BDH1: variants seen among roughly 807,000 people sequenced by gnomAD.
BDH1 encodes the protein D-beta-hydroxybutyrate dehydrogenase, mitochondrial.
Under a neutral mutation model 33.1 loss-of-function variants are expected in BDH1, and 30 were observed. That is an observed-to-expected ratio of 0.91 (90% CI 0.68 to 1.23). The LOEUF (loss-of-function observed/expected upper bound fraction) is 1.23, where lower values mean the gene tolerates loss of function less well. BDH1 is among the 50% of genes most tolerant of loss of function. The probability of loss-of-function intolerance (pLI) is 0.00; values close to 1 mark genes in which losing one functional copy is unlikely to be tolerated. For synonymous variants in BDH1, 190 were observed against 183.6 expected, an observed-to-expected ratio of 1.03 and a Z score of -0.28; for missense variants, 443 against 464.4, an observed-to-expected ratio of 0.95 and a Z score of 0.42.
chr3:197,563,543 A>G (rs747186243), intron 1 of BDH1, among the ~76,000 whole-genome samples: 1 of 152,252 alleles, frequency 6.6e-6, no homozygotes, highest in Non-Finnish European at 1.5e-5. Context: ...CACAGTTTTC[A>G]TAAATCATCT....
At chr3:197,563,487 G>C (rs1000239337) in intron 1 of BDH1, among the ~76,000 whole-genome samples, 2 of 152,138 alleles carry the variant, frequency 1.3e-5, no homozygotes, top group African/African-American at 4.8e-5. Flanking sequence ...TCACGTCTCT[G>C]TTATAATTTT....
At chr3:197,536,583 G>A (rs995161018) in intron 3 of BDH1, among the ~76,000 whole-genome samples, 1 of 152,020 alleles carries the variant, frequency 6.6e-6, no homozygotes, top group Non-Finnish European at 1.5e-5. Context: ...GGTCATCCCT[G>A]TAACCCCAGC....
intron 2 of BDH1, among the ~76,000 whole-genome samples, chr3:197,550,314 G>A (rs1716450718): frequency 6.6e-6 from 1 of 152,206 alleles, no homozygotes; most frequent in South Asian, 2.1e-4. Flanking sequence ...ACCCAATGCA[G>A]ACACCTTGAT....
intron 1 of BDH1, among the ~76,000 whole-genome samples, chr3:197,565,006 T>C (rs186561509): frequency 1.3e-5 from 2 of 152,318 alleles, no homozygotes; most frequent in African/African-American, 4.8e-5. Flanking sequence ...CACTGCAACC[T>C]CCACCTCCAA....
rs987208161 is a variant in BDH1 at position 197,520,031 on chromosome 3, G to C, written c.409+2609C>G. Among the ~76,000 whole-genome samples, 5 of 152,156 alleles carry C rather than the reference G, an allele frequency of 3.3e-5. No individual in the cohort carries two copies. The highest frequency in any genetic ancestry group is 7.3e-5 in the Non-Finnish European group (5 of 68,032). On this transcript the variant is annotated intron_variant, in intron 6 of 7. Transcript: ENST00000392379. This position sits in a 1 kb window ranked among gnomAD's most constrained non-coding sequence, Gnocchi z 6.0. ...GACCCTTCTGACATGTCCTGCATGG[G>C]GTGTGGGTCGGTGGCGGCCACTGCG...
rs1055725632 is a variant in BDH1, at chr3:197,520,242, C to T, written c.409+2398G>A. On this transcript the variant is annotated intron_variant, in intron 6 of 7. Coordinates refer to ENST00000392379, the MANE Select transcript of BDH1 (RefSeq NM_203314.3). The surrounding 1 kb of genome is among the most constrained non-coding windows in gnomAD (Gnocchi z 6.0). ...GGGGGACACGCCACTGCATATCTGA[C>T]GGATGTACTGTTTTCTTCAGACCTA... 6.6e-6 allele frequency among the ~76,000 whole-genome samples: 1 copy of T among 151,768 alleles called. No homozygotes were observed. The highest frequency in any genetic ancestry group is 1.9e-4 in the East Asian group (1 of 5,164).
At chr3:197,542,013 G>C (rs895716304) in intron 3 of BDH1, among the ~76,000 whole-genome samples, 1 of 152,230 alleles carries the variant, frequency 6.6e-6, no homozygotes, top group Non-Finnish European at 1.5e-5. Context: ...ACGCTTTCCA[G>C]ATTACCACCC....
At chr3:197,537,491 C>T (rs1715257181) in intron 3 of BDH1, among the ~76,000 whole-genome samples, 1 of 152,100 alleles carries the variant, frequency 6.6e-6, no homozygotes, top group Admixed American at 6.6e-5. Flanking sequence ...CCTTCTTTTC[C>T]AATCTATATG....
chr3:197,525,404 A>G lies in BDH1; in HGVS notation c.268-2623T>C, dbSNP rs1313164819. ...CATTCAGCTCTTCTCAGACCCCTATACAAGACCTCTCTGGTGCCCCTACAC... is the reference window on the plus strand; with the variant it reads ...CATTCAGCTCTTCTCAGACCCCTATGCAAGACCTCTCTGGTGCCCCTACAC... On this transcript the variant is annotated intron_variant, in intron 5 of 7. Coordinates refer to ENST00000392379, the MANE Select transcript of BDH1 (RefSeq NM_203314.3). The surrounding 1 kb of genome is among the most constrained non-coding windows in gnomAD (Gnocchi z 4.9). 6.6e-6 allele frequency among the ~76,000 whole-genome samples: 1 copy of G among 152,118 alleles called. No individual in the cohort carries two copies. Among genetic ancestry groups the G allele is most frequent in the Non-Finnish European group, 1.5e-5 (1 of 68,024 alleles).
At chr3:197,556,737 GT>G (rs1436901075), upstream of BDH1, among the ~76,000 whole-genome samples, 3 of 152,216 alleles carry the variant, frequency 2.0e-5, no homozygotes, top group African/African-American at 7.2e-5. Context: ...GTTTCCCAGA[GT>G]TTTAATAATA....
chr3:197,553,416 C>A (rs1467501181), intron 2 of BDH1, among the ~76,000 whole-genome samples: 2 of 150,684 alleles, frequency 1.3e-5, no homozygotes, highest in Non-Finnish European at 3.0e-5. Context: ...GTAGTCCCAG[C>A]TACTTGGGAG....
chr3:197,524,921 C>T (rs570898924), intron 5 of BDH1, among the ~76,000 whole-genome samples: 2 of 152,324 alleles, frequency 1.3e-5, no homozygotes, highest in African/African-American at 4.8e-5. Flanking sequence ...TTTGAAAAGG[C>T]ACTGTGGCGT....
chr3:197,556,895 A>G (rs889677526), upstream of BDH1, among the ~76,000 whole-genome samples: 1 of 152,180 alleles, frequency 6.6e-6, no homozygotes, highest in African/African-American at 2.4e-5. Flanking sequence ...TGGCGAAGCT[A>G]CGCGAAAGGA....
In BDH1 at chr3:197,522,193, C is replaced by T. The variant is rs931799297; in HGVS notation, c.409+447G>A. 2.6e-5 allele frequency among the ~76,000 whole-genome samples: 4 copies of T among 152,334 alleles called. No homozygotes were observed. The highest frequency in any genetic ancestry group is 2.1e-4 in the South Asian group (1 of 4,828). The stretch of plus-strand genomic sequence containing the variant: ...TGCCTTAACTGGCCTATTTCCACTG[C>T]GCCCCCATGGCTGGACTGACCCCTC... On this transcript the variant is annotated intron_variant, in intron 6 of 7. Coordinates refer to ENST00000392379, the MANE Select transcript of BDH1 (RefSeq NM_203314.3). The surrounding 1 kb of genome is among the most constrained non-coding windows in gnomAD (Gnocchi z 4.8).
chr3:197,529,545 A>T (rs1579925344), intron 5 of BDH1: 1 of 152,348 alleles, frequency 6.6e-6, no homozygotes, highest in East Asian at 1.9e-4. Context: ...AAAACTCACA[A>T]ATAATGTATA....
At chr3:197,569,619 T>C (rs1717541837) in intron 1 of BDH1, among the ~76,000 whole-genome samples, 1 of 152,176 alleles carries the variant, frequency 6.6e-6, no homozygotes, top group Non-Finnish European at 1.5e-5. Context: ...TCTCTCTTGG[T>C]AGTGAATAAA....
At chr3:197,540,323 G>A (rs1230181118) in intron 3 of BDH1, among the ~76,000 whole-genome samples, 5 of 150,342 alleles carry the variant, frequency 3.3e-5, no homozygotes, top group Admixed American at 1.3e-4. Flanking sequence ...CAAAGTGCTG[G>A]GATTACAGGT....
At chr3:197,537,044 G>A (rs762265881) in intron 3 of BDH1, among the ~76,000 whole-genome samples, 40 of 151,996 alleles carry the variant, frequency 2.6e-4, no homozygotes, top group Admixed American at 1.6e-3. Context: ...GCTGGAGTGC[G>A]GTAGCATGAT....
rs1713661887 is a variant in BDH1 at position 197,522,530 on chromosome 3, T to C, written c.409+110A>G. 7.1e-7 allele frequency: 1 copy of C among 1,414,026 alleles called. No homozygotes were observed. Among genetic ancestry groups the C allele is most frequent in the Non-Finnish European group, 9.8e-7 (1 of 1,025,226 alleles). The allele number at this position is 1,414,026 out of a possible 1,614,324, so 87.6% of individuals were successfully genotyped here. A position where few individuals can be genotyped will look rare whatever the true frequency, so the allele number is the denominator to read the frequency against. Reference sequence around the variant, plus strand: ...TGTGCAGGAGGAAGAGCCTAAACAATAAGGAAGGGAGTGTGGTGGCAGGAT... The same window carrying C: ...TGTGCAGGAGGAAGAGCCTAAACAACAAGGAAGGGAGTGTGGTGGCAGGAT... On this transcript the variant is annotated intron_variant, in intron 6 of 7. Coordinates refer to ENST00000392379, the MANE Select transcript of BDH1 (RefSeq NM_203314.3). The surrounding 1 kb of genome is among the most constrained non-coding windows in gnomAD (Gnocchi z 4.8).
Sources: allele counts gnomAD v4.1 joint callset (sites outside exome capture counted in the v4.1 genomes callset), GRCh38; gene constraint gnomAD v4.1.1; non-coding constraint Gnocchi (gnomAD v3.1); transcripts MANE v1.5; gene names NCBI Gene and HGNC (gene_info 2026-07-23, HGNC 2026-07-21).